The following C6 variants were observed in gnomAD, a reference collection of about 807,000 sequenced individuals.
The protein encoded by C6 is complement component C6.
In C6, 101 loss-of-function variants were observed where a neutral mutation model predicts 112.9. The observed-to-expected ratio is 0.89, with a 90% CI of 0.76 to 1.06. The LOEUF (loss-of-function observed/expected upper bound fraction) is 1.06. Among genes scored for constraint, C6 ranks in the 50% least tolerant of loss-of-function variants. The pLI is 0.00. For synonymous variants in C6, 431 were observed against 384.1 expected (o/e 1.12, Z -1.43); for missense variants, 1,202 against 1,104.6 (o/e 1.09, Z -1.25).
chr5:41,254,132 T>C (rs1015239370), intron 1 of C6, among the ~76,000 whole-genome samples: 1 of 152,244 alleles, frequency 6.6e-6, no homozygotes, highest in African/African-American at 2.4e-5. Context: ...CCAGGCATGG[T>C]GGCTCACACC....
intron 8 of C6, among the ~76,000 whole-genome samples, chr5:41,173,508 TA>T (rs1487768348): frequency 1.3e-5 from 2 of 152,198 alleles, no homozygotes; most frequent in African/African-American, 4.8e-5. Context: ...ACATCAAAAC[TA>T]AAATCCAGCT....
At chr5:41,241,142 G>T (rs549222987) in intron 1 of C6, among the ~76,000 whole-genome samples, 1 of 152,134 alleles carries the variant, frequency 6.6e-6, no homozygotes, top group African/African-American at 2.4e-5. Flanking sequence ...GCCCTGGTTG[G>T]CATGCCCCAG....
In C6 at chr5:41,142,651, C is replaced by T; in HGVS notation, c.*174G>A. 1 of 645,274 alleles carries T rather than the reference C, an allele frequency of 1.5e-6. No individual in the cohort carries two copies. The highest frequency in any genetic ancestry group is 2.8e-6 in the Non-Finnish European group (1 of 354,204). The allele number at this position is 645,274 out of a possible 1,614,324, so 40.0% of individuals were successfully genotyped here. Reference sequence around the variant, plus strand: ...CGTCATGAGCTGGAACTGAATAAGACATGCCCAAACAGGAGAGTCAGGGGA... The same window carrying T: ...CGTCATGAGCTGGAACTGAATAAGATATGCCCAAACAGGAGAGTCAGGGGA... On this transcript the variant is annotated 3_prime_UTR_variant, in exon 18 of 18. Transcript: ENST00000337836.
intron 1 of C6, among the ~76,000 whole-genome samples, chr5:41,256,295 T>C (rs1310362383): frequency 6.6e-6 from 1 of 151,734 alleles, no homozygotes; most frequent in African/African-American, 2.4e-5. Context: ...GTCATTTGGG[T>C]ATAGGATAGC....
At position 41,172,366 on chromosome 5, in the gene C6, A is replaced by T. The variant is rs1413906250; in HGVS notation, c.1169-19T>A. Reference sequence around the variant, plus strand: ...GTTAAACCTAGGAGATGAAGTACAAACAGAAACCACTGAGAATGCACCATT... The same window carrying T: ...GTTAAACCTAGGAGATGAAGTACAATCAGAAACCACTGAGAATGCACCATT... On this transcript the variant is annotated intron_variant, in intron 8 of 17. Transcript: ENST00000337836. 1 of 1,612,768 alleles carries T rather than the reference A, an allele frequency of 6.2e-7. No homozygotes were observed. Among genetic ancestry groups the T allele is most frequent in the South Asian group, 1.1e-5 (1 of 91,064 alleles).
At chr5:41,183,530 T>G (rs1749522220) in intron 6 of C6, among the ~76,000 whole-genome samples, 1 of 152,138 alleles carries the variant, frequency 6.6e-6, no homozygotes, top group African/African-American at 2.4e-5. Flanking sequence ...ACACTGTTGG[T>G]GAGAATGTAA....
intron 17 of C6, 90 bp downstream of exon 17, chr5:41,149,151 T>C: frequency 6.8e-7 from 1 of 1,464,282 alleles, no homozygotes; most frequent in Non-Finnish European, 9.6e-7. Flanking sequence ...TTATTTTTGA[T>C]TAAGGATAGG....
intron 9 of C6, among the ~76,000 whole-genome samples, chr5:41,162,612 G>T (rs1378308235): frequency 6.6e-6 from 1 of 152,148 alleles, no homozygotes; most frequent in Non-Finnish European, 1.5e-5. Flanking sequence ...ATAAGGAATT[G>T]CCATAAGAAA....
chr5:41,178,080 C>T (rs745511195), intron 7 of C6, among the ~76,000 whole-genome samples: 1 of 152,074 alleles, frequency 6.6e-6, no homozygotes, highest in Non-Finnish European at 1.5e-5. Context: ...AGCACAATAA[C>T]CTCCATGGTG....
intron 5 of C6, among the ~76,000 whole-genome samples, chr5:41,188,850 G>A (rs1475214070): frequency 1.3e-5 from 2 of 151,856 alleles, no homozygotes; most frequent in Non-Finnish European, 2.9e-5. Context: ...TATAATGGGA[G>A]AAAATATTTC....
intron 1 of C6, among the ~76,000 whole-genome samples, chr5:41,209,207 G>T (rs1358791858): frequency 1.3e-5 from 2 of 152,270 alleles, no homozygotes; most frequent in African/African-American, 4.8e-5. Flanking sequence ...ACTAGGTATT[G>T]ATGGGATGTA....
intron 8 of C6, 86 bp downstream of exon 8, chr5:41,176,389 C>A: frequency 7.4e-7 from 1 of 1,352,554 alleles, no homozygotes. Flanking sequence ...AAAGTCAAAG[C>A]AGAATAATTA....
chr5:41,205,605 G>T (rs538836616), intron 1 of C6, among the ~76,000 whole-genome samples: 2 of 152,126 alleles, frequency 1.3e-5, no homozygotes, highest in African/African-American at 2.4e-5. Context: ...TCCCACACCC[G>T]CAGAGCCTCT....
intron 17 of C6, among the ~76,000 whole-genome samples, chr5:41,148,872 C>T (rs1363206268): frequency 6.6e-6 from 1 of 152,150 alleles, no homozygotes; most frequent in East Asian, 1.9e-4. Flanking sequence ...CACTATTGGC[C>T]TCAGACAGTC....
At chr5:41,234,910 G>A (rs1356432122) in intron 1 of C6, among the ~76,000 whole-genome samples, 2 of 152,058 alleles carry the variant, frequency 1.3e-5, no homozygotes, top group Admixed American at 6.6e-5. Flanking sequence ...CCTTACTAAT[G>A]AGACTTTATT....
chr5:41,164,987 T>G (rs574185766), intron 9 of C6, among the ~76,000 whole-genome samples: 1 of 152,312 alleles, frequency 6.6e-6, no homozygotes, highest in Middle Eastern at 3.4e-3. Flanking sequence ...TTCATGCTTT[T>G]ATCCAGTCAT....
intron 14 of C6, among the ~76,000 whole-genome samples, chr5:41,154,232 G>A (rs1358495286): frequency 6.6e-6 from 1 of 152,134 alleles, no homozygotes; most frequent in Non-Finnish European, 1.5e-5. Flanking sequence ...CTAAAGAACT[G>A]GCTCCAGACA....
upstream of C6, among the ~76,000 whole-genome samples, chr5:41,216,477 G>A (rs867181338): frequency 2.0e-5 from 3 of 151,926 alleles, no homozygotes; most frequent in African/African-American, 7.3e-5. Flanking sequence ...CTTCCATGGG[G>A]TTATTGATCA....
At chr5:41,172,968 G>A (rs1748553090) in intron 8 of C6, among the ~76,000 whole-genome samples, 1 of 151,968 alleles carries the variant, frequency 6.6e-6, no homozygotes, top group Non-Finnish European at 1.5e-5. Flanking sequence ...CCTTTTTATT[G>A]TAATCTCAGA....
Sources: gnomAD v4.1 joint callset for allele counts (sites outside exome capture counted in the v4.1 genomes callset) on GRCh38, gnomAD v4.1.1 for gene constraint, MANE v1.5 for transcripts, NCBI Gene and HGNC (gene_info 2026-07-23, HGNC 2026-07-21) for gene names.